The following ZNF69 variants were observed in gnomAD, a reference collection of about 807,000 sequenced individuals.
ZNF69 encodes ZNF3.
In ZNF69, 47 loss-of-function variants were observed where a neutral mutation model predicts 50.9. The observed-to-expected ratio is 0.92, with a 90% CI of 0.73 to 1.18. The LOEUF is 1.18. ZNF69 is among the 50% of genes most tolerant of loss of function. The pLI, the probability that ZNF69 is intolerant of heterozygous loss-of-function variation, is 0.00. For missense variants in ZNF69, 717 were observed against 675.1 expected (o/e 1.06, Z -0.69); for synonymous variants, 216 against 223.1 (o/e 0.97, Z 0.29).
At chr19:11,944,944 A>T in the ZNF69 span, among the ~76,000 whole-genome samples, 385 of 152,282 alleles carry the variant, frequency 2.5e-3, 3 homozygotes, top group Middle Eastern at 0.017. Context: ...CTACTCTCCC[A>T]TCCAGTAACC....
the ZNF69 span, chr19:11,924,930 C>A: frequency 2.6e-6 from 1 of 390,544 alleles, no homozygotes; most frequent in Admixed American, 4.0e-5. Context: ...GTGCAGAAAG[C>A]AGCTCGCCCT....
chr19:11,948,849 GA>G, the ZNF69 span: 5 of 1,607,202 alleles, frequency 3.1e-6, no homozygotes, highest in Non-Finnish European at 4.2e-6. Context: ...ACACTGGGGA[GA>G]AGCCCTATGA....
the ZNF69 span, chr19:11,949,996 T>C: frequency 1.2e-6 from 2 of 1,613,100 alleles, no homozygotes; most frequent in Admixed American, 1.7e-5. Context: ...AAAAGCATTC[T>C]GTAAATTCTC....
chr19:11,965,216 G>T, the ZNF69 span: 6 of 1,614,098 alleles, frequency 3.7e-6, no homozygotes, highest in Admixed American at 8.3e-5. Context: ...GAAATGGTGC[G>T]TGTGCATAGC....
the ZNF69 span, among the ~76,000 whole-genome samples, chr19:11,920,719 C>T: frequency 6.6e-6 from 1 of 152,124 alleles, no homozygotes; most frequent in African/African-American, 2.4e-5. Context: ...GAAACCGCAT[C>T]TCTACCAAAA....
chr19:11,979,326 G>A, the ZNF69 span: 4 of 1,604,620 alleles, frequency 2.5e-6, no homozygotes, highest in African/African-American at 5.5e-5. Context: ...ACCTTCGAAG[G>A]CATGGTAGGA....
chr19:11,975,011 C>T, the ZNF69 span, among the ~76,000 whole-genome samples: 1 of 152,196 alleles, frequency 6.6e-6, no homozygotes, highest in Non-Finnish European at 1.5e-5. Flanking sequence ...TACATAAGTT[C>T]TCTAAGATGA....
At chr19:11,952,403 A>G in the ZNF69 span, among the ~76,000 whole-genome samples, 1 of 152,212 alleles carries the variant, frequency 6.6e-6, no homozygotes, top group Non-Finnish European at 1.5e-5. Flanking sequence ...AGTTGTGTAA[A>G]TTGTCTGAAT....
Position 11,906,020 on chromosome 19 carries a change from A to G in ZNF69, c.1623A>G (p.Lys541=). ...CCTATAAATGCAAGCAATGTGGGAAAGCCTTCAGAGCTGCCTCAGTCCTTC... is the reference window on the plus strand; with the variant it reads ...CCTATAAATGCAAGCAATGTGGGAAGGCCTTCAGAGCTGCCTCAGTCCTTC... ...EKPYKCKQCG[K]AFRAASVLRM... is the part of the protein sequence containing the mutation. Residue 541 remains lysine (K), a synonymous_variant, in exon 4 of 4, where the codon AAA becomes AAG. Transcript: ENST00000429654. 6.2e-7 allele frequency: 1 copy of G among 1,613,916 alleles called. No individual in the cohort carries two copies. Among genetic ancestry groups the G allele is most frequent in the Non-Finnish European group, 8.5e-7 (1 of 1,179,952 alleles).
chr19:11,974,155 T>TTTCC, the ZNF69 span, among the ~76,000 whole-genome samples: 17 of 115,786 alleles, frequency 1.5e-4, no homozygotes, highest in South Asian at 5.1e-4. Flanking sequence ...TCTTTCTTTC[T>TTTCC]TTCCTTCCTT....
At chr19:11,928,556 C>A in the ZNF69 span, among the ~76,000 whole-genome samples, 1 of 149,012 alleles carries the variant, frequency 6.7e-6, no homozygotes, top group Non-Finnish European at 1.5e-5. Flanking sequence ...AACGGTGAAA[C>A]CCCGTCTCTA....
At chr19:11,962,176 G>C in the ZNF69 span, among the ~76,000 whole-genome samples, 1 of 152,128 alleles carries the variant, frequency 6.6e-6, no homozygotes, top group South Asian at 2.1e-4. Context: ...CCAGCACTTG[G>C]GAGGCTGAGG....
chr19:11,923,357 T>G, the ZNF69 span, among the ~76,000 whole-genome samples: 1 of 152,200 alleles, frequency 6.6e-6, no homozygotes, highest in Non-Finnish European at 1.5e-5. Context: ...ACGTCCCGAT[T>G]GGGCTTAGTT....
intron 1 of ZNF69, among the ~76,000 whole-genome samples, chr19:11,900,050 T>C (rs1398942969): frequency 1.3e-5 from 2 of 152,040 alleles, no homozygotes; most frequent in East Asian, 3.9e-4. Flanking sequence ...GCCTCCCGGG[T>C]TTAAGCGATT....
the ZNF69 span, among the ~76,000 whole-genome samples, chr19:11,924,509 G>A: frequency 6.6e-6 from 1 of 152,102 alleles, no homozygotes; most frequent in Non-Finnish European, 1.5e-5. Flanking sequence ...GAATTGTTTG[G>A]TGGCGTCACC....
the ZNF69 span, among the ~76,000 whole-genome samples, chr19:11,961,117 A>G: frequency 6.6e-6 from 1 of 152,196 alleles, no homozygotes; most frequent in Admixed American, 6.5e-5. Context: ...TGTCTTAAAA[A>G]CAAAATTTAT....
At chr19:11,912,145 C>G (rs1321152881) in intron 4 of ZNF69, among the ~76,000 whole-genome samples, 1 of 151,846 alleles carries the variant, frequency 6.6e-6, no homozygotes, top group Non-Finnish European at 1.5e-5. Flanking sequence ...GCCTTCAGAT[C>G]TGTCAAAAAT....
At chr19:11,954,073 C>T in the ZNF69 span, among the ~76,000 whole-genome samples, 1 of 151,968 alleles carries the variant, frequency 6.6e-6, no homozygotes, top group Non-Finnish European at 1.5e-5. Flanking sequence ...AATTTCAGAT[C>T]AAGGAAGTTA....
the ZNF69 span, among the ~76,000 whole-genome samples, chr19:11,940,543 A>G: frequency 1.3e-5 from 2 of 152,218 alleles, no homozygotes; most frequent in African/African-American, 2.4e-5. Context: ...CGCTGGCTTC[A>G]GGAGTGAAGC....
Sources: gnomAD v4.1 joint callset for allele counts (sites outside exome capture counted in the v4.1 genomes callset) on GRCh38, gnomAD v4.1.1 for gene constraint, MANE v1.5 for transcripts, NCBI Gene and HGNC (gene_info 2026-07-23, HGNC 2026-07-21) for gene names.